Variants in LTBP1 observed in about 807,000 individuals in gnomAD.
LTBP1 encodes latent transforming growth factor beta binding protein 1.
In LTBP1, 129 loss-of-function variants were observed where a neutral mutation model predicts 207.6. The observed-to-expected ratio is 0.62, with a 90% CI of 0.54 to 0.72. LTBP1 has a LOEUF of 0.72. Ranked by LOEUF, LTBP1 falls within the 30% of genes least tolerant of loss-of-function variation. The pLI is 0.00. For synonymous variants in LTBP1, 963 were observed against 833.7 expected (o/e 1.16, Z -2.67); for missense variants, 2,281 against 2,217.2 (o/e 1.03, Z -0.58).
intron 32 of LTBP1, among the ~76,000 whole-genome samples, chr2:33,390,011 C>T (rs1188480228): frequency 6.6e-6 from 1 of 152,174 alleles, no homozygotes; most frequent in African/African-American, 2.4e-5. Context: ...GCCAAGGTTT[C>T]CATGAGAGCC....
intron 2 of LTBP1, among the ~76,000 whole-genome samples, chr2:32,998,169 G>A (rs759953445): frequency 1.6e-4 from 24 of 152,080 alleles, no homozygotes; most frequent in Non-Finnish European, 3.4e-4. Context: ...CAGGCCTGGC[G>A]ACCTCTGTTT....
intron 7 of LTBP1, among the ~76,000 whole-genome samples, chr2:33,204,195 T>TG (rs1207159581): frequency 6.6e-6 from 1 of 152,214 alleles, no homozygotes; most frequent in Non-Finnish European, 1.5e-5. Flanking sequence ...TTTTTTCCTT[T>TG]CTCATCCTTC....
chr2:33,356,793 G>A (rs1439070227), intron 26 of LTBP1, among the ~76,000 whole-genome samples: 2 of 152,222 alleles, frequency 1.3e-5, no homozygotes, highest in East Asian at 1.9e-4. Context: ...ATTAATGCCT[G>A]TAGCATTTTT....
intron 1 of LTBP1, 115 bp from the exon 2 acceptor site, chr2:32,948,760 T>G (rs922939288): frequency 3.1e-6 from 3 of 973,496 alleles, no homozygotes; most frequent in African/African-American, 3.2e-5. Flanking sequence ...GGACTCTCTC[T>G]CATCCAGAGG....
At chr2:33,050,053 A>C (rs1169149893) in intron 3 of LTBP1, among the ~76,000 whole-genome samples, 2 of 151,806 alleles carry the variant, frequency 1.3e-5, no homozygotes, top group Non-Finnish European at 2.9e-5. Context: ...TTTGTTGCCT[A>C]GGTTGGTCTC....
chr2:33,110,014 T>C (rs2080300646), intron 3 of LTBP1, among the ~76,000 whole-genome samples: 1 of 152,240 alleles, frequency 6.6e-6, no homozygotes, highest in South Asian at 2.1e-4. Flanking sequence ...TCCTGTACTT[T>C]CTTCGCTATT....
intron 24 of LTBP1, among the ~76,000 whole-genome samples, chr2:33,339,133 G>C (rs2094586582): frequency 6.6e-6 from 1 of 152,034 alleles, no homozygotes; most frequent in Non-Finnish European, 1.5e-5. Context: ...GACAGGGAAG[G>C]ACAGAGAATA....
chr2:33,316,997 T>C (rs1165055874), intron 24 of LTBP1, among the ~76,000 whole-genome samples: 4 of 152,220 alleles, frequency 2.6e-5, no homozygotes, highest in Admixed American at 1.3e-4. Context: ...TGACCTCAAG[T>C]GCTCCCTAGT....
chr2:33,240,645 C>CTTTTTTTTT (rs869193074), intron 9 of LTBP1, among the ~76,000 whole-genome samples: 2 of 100,814 alleles, frequency 2.0e-5, no homozygotes, highest in African/African-American at 8.1e-5. Context: ...TGGAAACATT[C>CTTTTTTTTT]TTTTTTTTTT....
chr2:33,029,785 C>A (rs544617116), intron 3 of LTBP1, among the ~76,000 whole-genome samples: 1 of 152,104 alleles, frequency 6.6e-6, no homozygotes, highest in African/African-American at 2.4e-5. Context: ...GCCCCAAATT[C>A]AAATAAAAGG....
chr2:33,086,897 T>C (rs988380528), intron 3 of LTBP1, among the ~76,000 whole-genome samples: 7 of 151,974 alleles, frequency 4.6e-5, no homozygotes, highest in African/African-American at 1.7e-4. Context: ...ATTTATTTTT[T>C]TTGGTGGAAG....
In LTBP1 at chr2:33,067,659, G is replaced by C. The variant is rs191066192; in HGVS notation, c.864-42923G>C. On this transcript the variant is annotated intron_variant, in intron 3 of 33. Coordinates refer to ENST00000404816, the MANE Select transcript of LTBP1 (RefSeq NM_206943.4). ...TTACATAGCATTTACATTGTATTAG[G>C]TATTATGAGTAATCTAGAGATTATT... Among the ~76,000 whole-genome samples, 646 of 152,206 alleles carry C rather than the reference G, an allele frequency of 4.2e-3. 1 individual carries two copies. The highest frequency in any genetic ancestry group is 6.0e-3 in the Non-Finnish European group (407 of 68,002).
chr2:33,301,084 G>A (rs2093981247), intron 21 of LTBP1, among the ~76,000 whole-genome samples: 1 of 152,172 alleles, frequency 6.6e-6, no homozygotes, highest in African/African-American at 2.4e-5. Flanking sequence ...TGTTCCTACA[G>A]CTGATAGTGA....
intron 31 of LTBP1, among the ~76,000 whole-genome samples, chr2:33,372,225 C>T (rs1355258250): frequency 6.6e-6 from 1 of 152,210 alleles, no homozygotes; most frequent in African/African-American, 2.4e-5. Flanking sequence ...ACGTTCTAAC[C>T]TCTTCAGTGT....
chr2:33,314,133 C>G (rs549558987), intron 23 of LTBP1, among the ~76,000 whole-genome samples: 2 of 152,156 alleles, frequency 1.3e-5, no homozygotes, highest in African/African-American at 4.8e-5. Flanking sequence ...ATGATCTGTT[C>G]ATGAGTCTTC....
chr2:33,150,975 A>G (rs990901094), intron 5 of LTBP1, among the ~76,000 whole-genome samples: 1 of 151,804 alleles, frequency 6.6e-6, no homozygotes, highest in African/African-American at 2.4e-5. Context: ...CCTGTCCTCA[A>G]GTGATCCATC....
intron 20 of LTBP1, among the ~76,000 whole-genome samples, chr2:33,300,138 G>C (rs1254181733): frequency 2.0e-5 from 3 of 152,132 alleles, no homozygotes; most frequent in Non-Finnish European, 4.4e-5. Context: ...ACATTATATT[G>C]CATCAGGTTC....
At chr2:33,327,458 G>C (rs1389991607) in intron 24 of LTBP1, among the ~76,000 whole-genome samples, 1 of 152,062 alleles carries the variant, frequency 6.6e-6, no homozygotes, top group African/African-American at 2.4e-5. Context: ...GAAGACAGAG[G>C]ATTCAAATAA....
At chr2:32,993,976 G>GTT (rs1378590483) in intron 2 of LTBP1, among the ~76,000 whole-genome samples, 2 of 133,434 alleles carry the variant, frequency 1.5e-5, no homozygotes, top group Non-Finnish European at 3.4e-5. Flanking sequence ...GGGAGTGTGT[G>GTT]TGTGTGTGTG....
Sources: gnomAD v4.1 joint callset for allele counts (sites outside exome capture counted in the v4.1 genomes callset) on GRCh38, gnomAD v4.1.1 for gene constraint, MANE v1.5 for transcripts, NCBI Gene and HGNC (gene_info 2026-07-23, HGNC 2026-07-21) for gene names.